The following MYBL1 variants were observed in gnomAD, a reference collection of about 807,000 sequenced individuals.
The protein encoded by MYBL1 is MYB proto-oncogene like 1.
In MYBL1, 17 loss-of-function variants were observed where a neutral mutation model predicts 96.3. That is an observed-to-expected ratio of 0.18 (90% CI 0.12 to 0.26). MYBL1 has a LOEUF of 0.26. Ranked by LOEUF, MYBL1 falls within the 10% of genes least tolerant of loss-of-function variation. MYBL1 has a pLI of 1.00. For missense variants in MYBL1, 701 were observed against 882.9 expected (o/e 0.79, Z 2.61); for synonymous variants, 282 against 292.7 (o/e 0.96, Z 0.37).
intron 1 of MYBL1, among the ~76,000 whole-genome samples, chr8:66,605,327 C>A (rs1217304589): frequency 6.6e-6 from 1 of 151,972 alleles, no homozygotes; most frequent in Non-Finnish European, 1.5e-5. Flanking sequence ...AGCATGTGGA[C>A]CTGCTCAAAT....
At chr8:66,576,428 G>T (rs1808951530) in intron 9 of MYBL1, 53 bp from the exon 10 acceptor site, 2 of 1,511,632 alleles carry the variant, frequency 1.3e-6, no homozygotes, top group East Asian at 2.3e-5. Context: ...AGTTAAATCT[G>T]CTCTTGAACA....
intron 8 of MYBL1, 140 bp from the exon 9 acceptor site, chr8:66,580,506 T>G: frequency 3.3e-6 from 2 of 605,216 alleles, no homozygotes; most frequent in South Asian, 4.7e-5. Context: ...CTTTTTTCAT[T>G]AAACTTCATG....
chr8:66,573,608 A>G, intron 10 of MYBL1, 102 bp from the exon 11 acceptor site: 5 of 1,037,502 alleles, frequency 4.8e-6, no homozygotes, highest in Non-Finnish European at 6.6e-6. Context: ...ATACCTCTTA[A>G]AAAAAGCTTA....
intron 10 of MYBL1, 27 bp from the exon 11 acceptor site, chr8:66,573,533 G>A (rs375030221): frequency 3.3e-5 from 52 of 1,562,006 alleles, no homozygotes; most frequent in African/African-American, 4.1e-5. Context: ...GTTTAAAGAC[G>A]ACTTCTAGAA....
At chr8:66,602,727 ATATATATTTTTTTTTT>A (rs1810141325) in intron 1 of MYBL1, among the ~76,000 whole-genome samples, 3 of 49,484 alleles carry the variant, frequency 6.1e-5, no homozygotes, top group Non-Finnish European at 1.1e-4. Flanking sequence ...ATATATATAT[ATATATATTTTTTTTTT>A]TTTTTTTTTT....
At chr8:66,606,070 C>A (rs1810300705) in intron 1 of MYBL1, among the ~76,000 whole-genome samples, 1 of 152,074 alleles carries the variant, frequency 6.6e-6, no homozygotes, top group African/African-American at 2.4e-5. Flanking sequence ...CTACGACATA[C>A]TGGAAAAATA....
intron 12 of MYBL1, among the ~76,000 whole-genome samples, chr8:66,568,211 T>C (rs569556290): frequency 6.6e-6 from 1 of 152,162 alleles, no homozygotes; most frequent in African/African-American, 2.4e-5. Flanking sequence ...AGTATTCTCA[T>C]CTAGACTGAG....
intron 1 of MYBL1, among the ~76,000 whole-genome samples, chr8:66,607,496 A>ACAAT (rs941147768): frequency 4.2e-4 from 64 of 152,336 alleles, no homozygotes; most frequent in African/African-American, 1.5e-3. Context: ...AAACTAATGA[A>ACAAT]CAATCTTCCC....
chr8:66,571,749 C>T (rs546851873), intron 12 of MYBL1, among the ~76,000 whole-genome samples: 15 of 151,554 alleles, frequency 9.9e-5, no homozygotes, highest in South Asian at 2.1e-4. Context: ...GGCGTGGTGG[C>T]GCAAGCCTGT....
intron 12 of MYBL1, among the ~76,000 whole-genome samples, chr8:66,571,899 GAA>G (rs929735009): frequency 3.7e-4 from 56 of 150,296 alleles, no homozygotes; most frequent in Middle Eastern, 6.8e-3. Context: ...AAGGAAAAAG[GAA>G]AAGAGTTCCA....
At chr8:66,572,620 T>C (rs759417221) in intron 11 of MYBL1, 24 bp from the exon 12 acceptor site, 3 of 1,197,818 alleles carry the variant, frequency 2.5e-6, no homozygotes, top group Non-Finnish European at 3.5e-6. Context: ...TAGATATTTA[T>C]GTTATAGTCA....
intron 8 of MYBL1, among the ~76,000 whole-genome samples, chr8:66,588,454 ATT>A (rs1373237795): frequency 6.6e-6 from 1 of 151,534 alleles, no homozygotes; most frequent in South Asian, 2.1e-4. Flanking sequence ...TAGTTTTTGT[ATT>A]TTTTGCAGAG....
chr8:66,580,085 C>T, intron 9 of MYBL1, 48 bp downstream of exon 9: 2 of 1,354,760 alleles, frequency 1.5e-6, no homozygotes, highest in East Asian at 4.9e-5. Flanking sequence ...AGCATGAAAT[C>T]ATATAACTAA....
At position 66,592,446 on chromosome 8, in the gene MYBL1, A is replaced by G; in HGVS notation, c.861T>C (p.Ile287=). Residue 287 remains isoleucine, a synonymous_variant, in exon 8 of 16, where the codon ATT becomes ATC. Coordinates refer to ENST00000522677, the MANE Select transcript of MYBL1 (RefSeq NM_001080416.4). Reference sequence around the variant, plus strand: ...TAACAAGCTTATTTCTTACTGATGGAATTCGCTTTCTTCTAACTTCATTCT... The same window carrying G: ...TAACAAGCTTATTTCTTACTGATGGGATTCGCTTTCTTCTAACTTCATTCT... ...SAENEVRRKR[I]PSQPGSFSSW... is the part of the protein sequence containing the mutation. The G allele has an allele frequency of 6.3e-7, 1 of 1,578,460 alleles. No homozygotes were observed. Among genetic ancestry groups the G allele is most frequent in the Non-Finnish European group, 8.6e-7 (1 of 1,162,220 alleles).
chr8:66,589,480 A>AATTT (rs890958884), intron 8 of MYBL1, among the ~76,000 whole-genome samples: 2 of 151,652 alleles, frequency 1.3e-5, no homozygotes, highest in African/African-American at 4.8e-5. Flanking sequence ...ATGCCTGGCT[A>AATTT]ATTTATTTAT....
At chr8:66,600,948 A>G (rs1345518175) in intron 3 of MYBL1, among the ~76,000 whole-genome samples, 1 of 152,000 alleles carries the variant, frequency 6.6e-6, no homozygotes, top group Non-Finnish European at 1.5e-5. Flanking sequence ...AGGCAGTTAG[A>G]TCACCTGAGG....
intron 1 of MYBL1, among the ~76,000 whole-genome samples, chr8:66,604,531 TGTC>T (rs1810234524): frequency 6.7e-6 from 1 of 149,296 alleles, no homozygotes; most frequent in Non-Finnish European, 1.5e-5. Flanking sequence ...AAAAAGATGG[TGTC>T]CTACTTTACA....
At chr8:66,609,453 C>A (rs1434343965) in intron 1 of MYBL1, among the ~76,000 whole-genome samples, 2 of 151,916 alleles carry the variant, frequency 1.3e-5, no homozygotes, top group African/African-American at 4.8e-5. Flanking sequence ...ATTATACAAT[C>A]TTGAGGACAA....
chr8:66,588,229 C>T (rs1809496638), intron 8 of MYBL1, among the ~76,000 whole-genome samples: 1 of 150,156 alleles, frequency 6.7e-6, no homozygotes, highest in African/African-American at 2.4e-5. Context: ...TAACTGGGCC[C>T]AGTGAAAAAA....
Sources: allele counts gnomAD v4.1 joint callset (sites outside exome capture counted in the v4.1 genomes callset), GRCh38; gene constraint gnomAD v4.1.1; transcripts MANE v1.5; gene names NCBI Gene and HGNC (gene_info 2026-07-23, HGNC 2026-07-21).